GTF2E2: variants seen among roughly 807,000 people sequenced by gnomAD.
The protein encoded by GTF2E2 is general transcription factor IIE subunit 2, also known as transcription initiation factor IIE subunit beta.
A neutral mutation model predicts 40.5 loss-of-function variants in GTF2E2; 21 were observed. That is an observed-to-expected ratio of 0.52 (90% CI 0.37 to 0.75). The LOEUF (loss-of-function observed/expected upper bound fraction) is 0.75, where lower values mean the gene tolerates loss of function less well. Among genes scored for constraint, GTF2E2 ranks in the 30% least tolerant of loss-of-function variants. The probability of loss-of-function intolerance (pLI) is 0.00; values close to 1 mark genes in which losing one functional copy is unlikely to be tolerated. For synonymous variants in GTF2E2, 117 were observed against 121.6 expected (o/e 0.96, Z 0.25); for missense variants, 298 against 338.4 (o/e 0.88, Z 0.94).
rs185697901 is a variant in GTF2E2 at position 30,632,524 on chromosome 8, A to T, written c.258+2508T>A. ...ATACTAAAAGTTTTCACAAAAATAT[A>T]TTTTAAACACATAAAACAATTATAA... On this transcript the variant is annotated intron_variant, in intron 3 of 7. Coordinates refer to ENST00000355904, the MANE Select transcript of GTF2E2 (RefSeq NM_002095.6). Among the ~76,000 whole-genome samples the T allele has an allele frequency of 3.3e-3, 496 of 152,342 alleles. 1 individual carries two copies. The highest frequency in any genetic ancestry group is 0.011 in the African/African-American group (477 of 41,580).
intron 2 of GTF2E2, among the ~76,000 whole-genome samples, chr8:30,652,814 C>T (rs117389684): frequency 0.013 from 1,922 of 152,204 alleles, 11 homozygotes; most frequent in Middle Eastern, 0.02. Context: ...TCCAAATAAC[C>T]GTTTATTGGT....
intron 4 of GTF2E2, among the ~76,000 whole-genome samples, chr8:30,612,694 G>A (rs546962811): frequency 3.3e-5 from 5 of 152,062 alleles, no homozygotes; most frequent in Admixed American, 6.6e-5. Flanking sequence ...CTGCAGGTGC[G>A]CACCACCACA....
intron 6 of GTF2E2, among the ~76,000 whole-genome samples, chr8:30,591,421 C>A (rs1299561446): frequency 6.6e-6 from 1 of 151,988 alleles, no homozygotes; most frequent in Non-Finnish European, 1.5e-5. Context: ...GAGCTTGAGG[C>A]TGCAATGAGT....
chr8:30,640,155 G>A (rs1801762947), intron 2 of GTF2E2, among the ~76,000 whole-genome samples: 1 of 152,088 alleles, frequency 6.6e-6, no homozygotes, highest in Non-Finnish European at 1.5e-5. Flanking sequence ...CTGGAGACAT[G>A]GCCTAAGTTC....
intron 3 of GTF2E2, among the ~76,000 whole-genome samples, chr8:30,627,139 G>GT (rs1801301048): frequency 1.3e-5 from 2 of 152,168 alleles, no homozygotes; most frequent in South Asian, 2.1e-4. Flanking sequence ...CTCAAACAGT[G>GT]TAAGTTGACA....
At chr8:30,611,786 T>C (rs1829483156) in intron 5 of GTF2E2, among the ~76,000 whole-genome samples, 2 of 152,192 alleles carry the variant, frequency 1.3e-5, no homozygotes, top group Non-Finnish European at 2.9e-5. Flanking sequence ...TTAACATTAA[T>C]AATGAGCAAC....
At chr8:30,604,220 A>G (rs957553218) in intron 6 of GTF2E2, among the ~76,000 whole-genome samples, 2 of 152,148 alleles carry the variant, frequency 1.3e-5, no homozygotes, top group Non-Finnish European at 2.9e-5. Flanking sequence ...TACTGAAACA[A>G]TTGTCCTAAA....
intron 6 of GTF2E2, among the ~76,000 whole-genome samples, chr8:30,605,849 T>G (rs908145404): frequency 1.3e-5 from 2 of 152,184 alleles, no homozygotes; most frequent in African/African-American, 4.8e-5. Context: ...TTAATAGAGA[T>G]AGGGTCTCAC....
intron 3 of GTF2E2, among the ~76,000 whole-genome samples, chr8:30,632,162 C>A (rs1801454767): frequency 6.6e-6 from 1 of 152,132 alleles, no homozygotes; most frequent in Non-Finnish European, 1.5e-5. Flanking sequence ...ATATCCCTTG[C>A]TTCATATTTT....
chr8:30,618,122 T>C (rs1800977814), intron 3 of GTF2E2, among the ~76,000 whole-genome samples: 1 of 151,980 alleles, frequency 6.6e-6, no homozygotes, highest in Non-Finnish European at 1.5e-5. Flanking sequence ...CATAGTGAAA[T>C]CTGTCTCTAT....
chr8:30,653,674 T>A, intron 1 of GTF2E2, 72 bp from the exon 2 acceptor site: 1 of 1,052,502 alleles, frequency 9.5e-7, no homozygotes, highest in Non-Finnish European at 1.4e-6. Flanking sequence ...TCCACAGATC[T>A]CAACAAGTTA....
chr8:30,637,141 C>T (rs959027758), intron 2 of GTF2E2: 2 of 446,090 alleles, frequency 4.5e-6, no homozygotes, highest in Non-Finnish European at 9.0e-6. Context: ...TAATAAACAG[C>T]CTTTACACAG....
At position 30,584,199 on chromosome 8, in the gene GTF2E2, T is replaced by C. The variant is rs1273311096; in HGVS notation, c.644-3803A>G. 3.3e-5 allele frequency among the ~76,000 whole-genome samples: 3 copies of C among 91,008 alleles called. No individual in the cohort carries two copies. In the East Asian group the frequency reaches 7.4e-4, roughly 23 times the overall value. 59.7% of individuals were successfully genotyped at this position (91,008 alleles called of 152,430 possible). A position where few individuals can be genotyped will look rare whatever the true frequency, so the allele number is the denominator to read the frequency against. Reference sequence around the variant, plus strand: ...TCCTATGTCCCTGACTTGCTTCCCTTTTTTTTTTTTTCCTCCAGTTTTTCT... The same window carrying C: ...TCCTATGTCCCTGACTTGCTTCCCTCTTTTTTTTTTTCCTCCAGTTTTTCT... On this transcript the variant is annotated intron_variant, in intron 6 of 7. Coordinates refer to ENST00000355904, the MANE Select transcript of GTF2E2 (RefSeq NM_002095.6).
At chr8:30,610,681 T>C (rs1829454770) in intron 5 of GTF2E2, among the ~76,000 whole-genome samples, 2 of 152,206 alleles carry the variant, frequency 1.3e-5, no homozygotes, top group South Asian at 2.1e-4. Context: ...TTACACCATA[T>C]ACAAAAATTA....
intron 3 of GTF2E2, among the ~76,000 whole-genome samples, chr8:30,617,048 C>T (rs1009463787): frequency 6.6e-6 from 1 of 151,932 alleles, no homozygotes; most frequent in South Asian, 2.1e-4. Flanking sequence ...CTTCATTGTA[C>T]CTTATTATAC....
In GTF2E2 at chr8:30,621,516, C is replaced by T. The variant is rs866449464; in HGVS notation, c.259-6801G>A. 2.0e-5 allele frequency among the ~76,000 whole-genome samples: 3 copies of T among 152,072 alleles called. No homozygotes were observed. The South Asian group carries it at 6.2e-4, about 32-fold the overall frequency. ...AATGAAAGAGTGCTTACAGAGAGTA[C>T]ATACATAATGCCCTACAACTAGAGA... is the stretch of plus-strand genomic sequence containing the variant. On this transcript the variant is annotated intron_variant, in intron 3 of 7. Coordinates refer to ENST00000355904, the MANE Select transcript of GTF2E2 (RefSeq NM_002095.6).
At chr8:30,583,718 T>C (rs886630276) in intron 6 of GTF2E2, among the ~76,000 whole-genome samples, 17 of 152,328 alleles carry the variant, frequency 1.1e-4, no homozygotes, top group East Asian at 3.9e-4. Flanking sequence ...AGCAGACTCA[T>C]GGATATTACT....
chr8:30,614,557 AG>A (rs757783461), intron 4 of GTF2E2, 50 bp downstream of exon 4: 3 of 1,051,704 alleles, frequency 2.9e-6, no homozygotes, highest in African/African-American at 1.6e-5. Context: ...TAAAAAAAAA[AG>A]AAAATTCTAG....
intron 3 of GTF2E2, among the ~76,000 whole-genome samples, chr8:30,623,789 T>C (rs1801184344): frequency 6.6e-6 from 1 of 152,142 alleles, no homozygotes; most frequent in African/African-American, 2.4e-5. Context: ...TTTTTTCATG[T>C]GTCTGTTGGC....
Sources: allele counts gnomAD v4.1 joint callset (sites outside exome capture counted in the v4.1 genomes callset), GRCh38; gene constraint gnomAD v4.1.1; transcripts MANE v1.5; gene names NCBI Gene and HGNC (gene_info 2026-07-23, HGNC 2026-07-21).